The following EYS variants were observed in gnomAD, a reference collection of about 807,000 sequenced individuals.
EYS encodes EGF-like photoreceptor maintenance factor, also known as protein eyes shut homolog.
EYS carries 250 observed loss-of-function variants against 282.1 expected under a neutral mutation model. The observed-to-expected ratio is 0.89, with a 90% CI of 0.80 to 0.98. EYS has a LOEUF of 0.98. Ranked by LOEUF, EYS falls within the 50% of genes least tolerant of loss-of-function variation. EYS has a pLI of 0.00. For missense variants in EYS, 4,016 were observed against 3,709.0 expected (o/e 1.08, Z -2.15); for synonymous variants, 1,355 against 1,282.9 (o/e 1.06, Z -1.20).
At chr6:64,963,299 A>AT (rs1473081816) in intron 14 of EYS, among the ~76,000 whole-genome samples, 3 of 152,220 alleles carry the variant, frequency 2.0e-5, no homozygotes, top group Admixed American at 2.0e-4. Context: ...ATATAGACTT[A>AT]GTAAATATTT....
intron 22 of EYS, among the ~76,000 whole-genome samples, chr6:64,736,755 T>G (rs1489308266): frequency 3.9e-5 from 6 of 152,168 alleles, no homozygotes; most frequent in Non-Finnish European, 7.3e-5. Context: ...CACCACTGTG[T>G]CAGACACTGA....
chr6:64,243,777 G>A (rs1766915300), intron 30 of EYS, among the ~76,000 whole-genome samples: 1 of 151,988 alleles, frequency 6.6e-6, no homozygotes, highest in African/African-American at 2.4e-5. Context: ...AAACATCTTG[G>A]GGATCTTTTA....
chr6:65,412,712 ACTTT>A (rs1460436497), intron 5 of EYS, among the ~76,000 whole-genome samples: 1 of 151,994 alleles, frequency 6.6e-6, no homozygotes, highest in African/African-American at 2.4e-5. Flanking sequence ...TTTTGAGATG[ACTTT>A]CTGTTATCTA....
intron 29 of EYS, among the ~76,000 whole-genome samples, chr6:64,345,166 C>T (rs1232490793): frequency 6.6e-6 from 1 of 152,078 alleles, no homozygotes; most frequent in Non-Finnish European, 1.5e-5. Context: ...ATCAAGCTAC[C>T]AATGACTTTC....
chr6:64,304,923 A>T (rs1358969576), intron 30 of EYS, among the ~76,000 whole-genome samples: 2 of 152,180 alleles, frequency 1.3e-5, no homozygotes, highest in East Asian at 3.8e-4. Flanking sequence ...AAAATAAGAA[A>T]GATCTCAAAT....
intron 13 of EYS, among the ~76,000 whole-genome samples, chr6:65,009,141 A>T (rs184074979): frequency 6.6e-6 from 1 of 152,168 alleles, no homozygotes; most frequent in East Asian, 1.9e-4. Context: ...ACAGAAGGAC[A>T]ATATAGACGA....
chr6:64,922,298 A>G (rs1768370862), intron 15 of EYS, among the ~76,000 whole-genome samples: 1 of 152,214 alleles, frequency 6.6e-6, no homozygotes, highest in Non-Finnish European at 1.5e-5. Context: ...CATTGTGTTG[A>G]CTCACACACA....
At chr6:64,690,323 A>G (rs1770332535) in intron 22 of EYS, among the ~76,000 whole-genome samples, 1 of 152,138 alleles carries the variant, frequency 6.6e-6, no homozygotes, top group South Asian at 2.1e-4. Context: ...AAAAGTCAGG[A>G]AACAACAGGT....
chr6:64,627,666 C>T (rs954407946), intron 22 of EYS, among the ~76,000 whole-genome samples: 1 of 152,194 alleles, frequency 6.6e-6, no homozygotes, highest in African/African-American at 2.4e-5. Context: ...TTTTTCACTG[C>T]AACTGGGTCT....
intron 28 of EYS, among the ~76,000 whole-genome samples, chr6:64,391,607 A>C (rs1773149311): frequency 6.6e-6 from 1 of 152,144 alleles, no homozygotes; most frequent in Non-Finnish European, 1.5e-5. Flanking sequence ...GCCTGCCCTA[A>C]AAGAGCTCCT....
intron 1 of EYS, among the ~76,000 whole-genome samples, chr6:65,701,517 C>G (rs553901888): frequency 2.6e-5 from 4 of 152,274 alleles, no homozygotes; most frequent in Admixed American, 1.3e-4. Context: ...TACTCTTGCA[C>G]TGTTATAAAA....
chr6:65,133,839 C>T (rs1775950025), intron 12 of EYS, among the ~76,000 whole-genome samples: 1 of 151,904 alleles, frequency 6.6e-6, no homozygotes, highest in Non-Finnish European at 1.5e-5. Flanking sequence ...AGACAACCTA[C>T]AGAATGGGAG....
chr6:65,278,322 A>ATTTATATATATATAGAT (rs1204346127), intron 12 of EYS, among the ~76,000 whole-genome samples: 5 of 39,652 alleles, frequency 1.3e-4, no homozygotes, highest in Non-Finnish European at 3.8e-4. Context: ...TTCTATAGAA[A>ATTTATATATATATAGAT]TCTATATATA....
At chr6:65,265,450 C>G in intron 12 of EYS, among the ~76,000 whole-genome samples, 1 of 151,814 alleles carries the variant, frequency 6.6e-6, no homozygotes, top group Non-Finnish European at 1.5e-5. Context: ...GAACGTGATT[C>G]CTAAGAGAAG....
At chr6:64,895,409 T>C (rs533809349) in intron 18 of EYS, among the ~76,000 whole-genome samples, 24 of 152,338 alleles carry the variant, frequency 1.6e-4, no homozygotes, top group African/African-American at 5.5e-4. Context: ...TTTTCTTAAA[T>C]TGGCCTACCC....
rs117372663 is a variant in EYS, at chr6:63,966,435, C to T, written c.7055+17948G>A. Among the ~76,000 whole-genome samples, 86 of 152,136 alleles carry T rather than the reference C, an allele frequency of 5.7e-4. 2 individuals are homozygous for T. The East Asian group carries it at 0.012, about 20-fold the overall frequency. On this transcript the variant is annotated intron_variant, in intron 35 of 42. Transcript: ENST00000503581. ...GTATACTGCTCAGGTGATGAGTGCA[C>T]CAAAATCTCACAAATCATGGCTGAA...
rs1773301715 is a variant in EYS at position 64,394,842 on chromosome 6, G to A, written c.5928-6002C>T. 3.9e-5 allele frequency among the ~76,000 whole-genome samples: 6 copies of A among 152,208 alleles called. No individual in the cohort carries two copies. The South Asian group carries it at 1.2e-3, about 32-fold the overall frequency. ...AAGAAACTACCATCAGAGTGAACAG[G>A]CAACTGACAAAATGGGAGAAAATTT... is the stretch of plus-strand genomic sequence containing the variant. On this transcript the variant is annotated intron_variant, in intron 28 of 42. Coordinates refer to ENST00000503581, the MANE Select transcript of EYS (RefSeq NM_001142800.2).
chr6:65,415,982 A>C (rs1201407214), intron 5 of EYS, among the ~76,000 whole-genome samples: 3 of 152,032 alleles, frequency 2.0e-5, no homozygotes, highest in Non-Finnish European at 4.4e-5. Flanking sequence ...GTAATTTTGC[A>C]GGGGGTTACA....
chr6:63,752,571 C>A (rs1185179905), intron 41 of EYS, among the ~76,000 whole-genome samples: 5 of 150,082 alleles, frequency 3.3e-5, no homozygotes, highest in Non-Finnish European at 7.4e-5. Context: ...CGGCTCACTG[C>A]AAGCTCTGCC....
Sources: allele counts gnomAD v4.1 joint callset (sites outside exome capture counted in the v4.1 genomes callset), GRCh38; gene constraint gnomAD v4.1.1; transcripts MANE v1.5; gene names NCBI Gene and HGNC (gene_info 2026-07-23, HGNC 2026-07-21).